PARD3: variants seen among roughly 807,000 people sequenced by gnomAD.
PARD3 encodes the protein par-3 family cell polarity regulator.
Under a neutral mutation model 155.4 loss-of-function variants are expected in PARD3, and 75 were observed. The observed-to-expected ratio is 0.48, with a 90% CI of 0.40 to 0.58. The LOEUF (loss-of-function observed/expected upper bound fraction) is 0.58. Ranked by LOEUF, PARD3 falls within the 20% of genes least tolerant of loss-of-function variation. The pLI, the probability that PARD3 is intolerant of heterozygous loss-of-function variation, is 0.00. For synonymous variants in PARD3, 576 were observed against 610.5 expected (o/e 0.94, Z 0.83); for missense variants, 1,642 against 1,721.7 (o/e 0.95, Z 0.82).
In PARD3 at chr10:34,672,074, A is replaced by T. The variant is rs186220881; in HGVS notation, c.222+24244T>A. ...CTGTCAGCTACTGGGAGACTGAGGC[A>T]GAAGGATCACCCGAGCCCAGGAGTT... On this transcript the variant is annotated intron_variant, in intron 2 of 24. Coordinates refer to ENST00000374788, the MANE Select transcript of PARD3 (RefSeq NM_001184785.2). 1.4e-3 allele frequency among the ~76,000 whole-genome samples: 208 copies of T among 152,164 alleles called. 1 individual carries two copies. Among genetic ancestry groups the T allele is most frequent in the African/African-American group, 4.6e-3 (191 of 41,544 alleles).
At chr10:34,159,683 A>T (rs1461153696) in intron 22 of PARD3, among the ~76,000 whole-genome samples, 2 of 152,254 alleles carry the variant, frequency 1.3e-5, no homozygotes, top group Non-Finnish European at 2.9e-5. Flanking sequence ...TACAACAAAC[A>T]AAGCTAATGT....
intron 2 of PARD3, among the ~76,000 whole-genome samples, chr10:34,680,918 G>A (rs1276958133): frequency 6.6e-6 from 1 of 150,794 alleles, no homozygotes; most frequent in African/African-American, 2.4e-5. Context: ...ACACCAGCAT[G>A]GCACATGTAT....
chr10:34,482,734 T>C (rs527885951), intron 3 of PARD3, among the ~76,000 whole-genome samples: 29 of 151,990 alleles, frequency 1.9e-4, no homozygotes, highest in African/African-American at 4.6e-4. Context: ...AATGAGGAGA[T>C]TGAAGCTGAG....
chr10:34,307,476 C>T (rs1208800510), intron 20 of PARD3, among the ~76,000 whole-genome samples: 4 of 152,178 alleles, frequency 2.6e-5, no homozygotes, highest in African/African-American at 9.7e-5. Flanking sequence ...TTAAGCTGCA[C>T]ATTCTAATGT....
At chr10:34,655,769 C>T (rs913623876) in intron 2 of PARD3, among the ~76,000 whole-genome samples, 1 of 152,096 alleles carries the variant, frequency 6.6e-6, no homozygotes, top group African/African-American at 2.4e-5. Context: ...AAGGGGGAGC[C>T]AATGGGTCCA....
chr10:34,555,790 G>C (rs2084934168), intron 2 of PARD3, among the ~76,000 whole-genome samples: 1 of 152,068 alleles, frequency 6.6e-6, no homozygotes, highest in Admixed American at 6.5e-5. Context: ...ATCCAAAGGA[G>C]TGAGCCCTGG....
intron 3 of PARD3, among the ~76,000 whole-genome samples, chr10:34,502,738 T>C (rs1032337745): frequency 1.3e-5 from 2 of 152,006 alleles, no homozygotes; most frequent in African/African-American, 4.8e-5. Context: ...ATGGGCAACA[T>C]AGCAGGATCC....
At chr10:34,186,180 C>T (rs184457857) in intron 22 of PARD3, among the ~76,000 whole-genome samples, 11 of 151,906 alleles carry the variant, frequency 7.2e-5, no homozygotes, top group South Asian at 2.1e-4. Flanking sequence ...GCTCAGGCCA[C>T]GAGGACACAA....
chr10:34,812,907 AGG>A, intron 1 of PARD3, among the ~76,000 whole-genome samples: 1 of 152,166 alleles, frequency 6.6e-6, no homozygotes, highest in African/African-American at 2.4e-5. Context: ...ATCGTTAATA[AGG>A]ACCAGGTCCG....
chr10:34,159,524 G>A (rs1949171571), intron 22 of PARD3, among the ~76,000 whole-genome samples: 1 of 152,198 alleles, frequency 6.6e-6, no homozygotes. Flanking sequence ...AAAAAATTGT[G>A]GGAGATAGGA....
chr10:34,528,871 A>T (rs1428144268), intron 2 of PARD3, among the ~76,000 whole-genome samples: 1 of 152,152 alleles, frequency 6.6e-6, no homozygotes, highest in Non-Finnish European at 1.5e-5. Flanking sequence ...AGGCTAATGG[A>T]AAGGTGGTGA....
chr10:34,521,351 T>C (rs2082133522), intron 2 of PARD3, among the ~76,000 whole-genome samples: 3 of 110,186 alleles, frequency 2.7e-5, no homozygotes, highest in Non-Finnish European at 5.2e-5. Flanking sequence ...TAAGAATGCA[T>C]ATAGTAACAC....
At chr10:34,384,499 A>C (rs188194287) in intron 7 of PARD3, among the ~76,000 whole-genome samples, 2 of 152,242 alleles carry the variant, frequency 1.3e-5, no homozygotes, top group African/African-American at 2.4e-5. Context: ...TTCTAGAACA[A>C]GCTATAACAC....
At position 34,605,589 on chromosome 10, in the gene PARD3, C is replaced by A. The variant is rs1266549656; in HGVS notation, c.223-88430G>T. Among the ~76,000 whole-genome samples the A allele has an allele frequency of 8.2e-5, 3 of 36,582 alleles. 1 individual carries two copies. Among genetic ancestry groups the A allele is most frequent in the African/African-American group, 5.9e-4 (2 of 3,392 alleles). 24.0% of individuals were successfully genotyped at this position (36,582 alleles called of 152,430 possible). A position where few individuals can be genotyped will look rare whatever the true frequency, so the allele number is the denominator to read the frequency against. On this transcript the variant is annotated intron_variant, in intron 2 of 24. Transcript: ENST00000374788. ...ATATATATATATCTCCTATATATAT[C>A]TCCTATATATATATATCTCCTATAT...
chr10:34,671,580 AAAAT>A (rs1466057155), intron 2 of PARD3, among the ~76,000 whole-genome samples: 2 of 152,240 alleles, frequency 1.3e-5, no homozygotes, highest in Non-Finnish European at 1.5e-5. Flanking sequence ...AAAATCAAGA[AAAAT>A]ACCAAGGAGT....
At chr10:34,346,087 C>A (rs969124723) in intron 15 of PARD3, 44 of 995,078 alleles carry the variant, frequency 4.4e-5, no homozygotes, top group Non-Finnish European at 5.1e-5. Context: ...AGGGCATACA[C>A]ATCACAAAAC....
intron 4 of PARD3, among the ~76,000 whole-genome samples, chr10:34,450,772 T>G (rs1426146616): frequency 6.6e-6 from 1 of 152,152 alleles, no homozygotes; most frequent in Non-Finnish European, 1.5e-5. Context: ...GAAAAGTACT[T>G]CTATACAAGA....
At chr10:34,697,676 A>G (rs757115837) in intron 1 of PARD3, among the ~76,000 whole-genome samples, 1 of 152,154 alleles carries the variant, frequency 6.6e-6, no homozygotes, top group Non-Finnish European at 1.5e-5. Context: ...ACCATTTTGC[A>G]AGTAACAGAG....
At chr10:34,404,419 C>A (rs1334189590) in intron 5 of PARD3, among the ~76,000 whole-genome samples, 1 of 152,122 alleles carries the variant, frequency 6.6e-6, no homozygotes, top group Non-Finnish European at 1.5e-5. Context: ...GTAATCCCAG[C>A]ATTTTCAGAG....
Sources: gnomAD v4.1 joint callset for allele counts (sites outside exome capture counted in the v4.1 genomes callset) on GRCh38, gnomAD v4.1.1 for gene constraint, MANE v1.5 for transcripts, NCBI Gene and HGNC (gene_info 2026-07-23, HGNC 2026-07-21) for gene names.